KIAA1755: variants seen among roughly 807,000 people sequenced by gnomAD.
KIAA1755 encodes KIAA1755.
In KIAA1755, 68 loss-of-function variants were observed where a neutral mutation model predicts 91.7. The ratio of observed to expected loss-of-function variants is 0.74; its 90% CI spans 0.61 to 0.91. KIAA1755 has a LOEUF of 0.91. Ranked by LOEUF, KIAA1755 falls within the 40% of genes least tolerant of loss-of-function variation. The pLI is 0.00. For missense variants in KIAA1755, 1,535 were observed against 1,494.4 expected (o/e 1.03, Z -0.45); for synonymous variants, 610 against 604.6 (o/e 1.01, Z -0.13).
rs769094223 is a variant in KIAA1755, at chr20:38,241,128, G to A, written c.1003C>T (p.Arg335Trp). 3.8e-5 allele frequency: 61 copies of A among 1,613,928 alleles called. No homozygotes were observed. Among genetic ancestry groups the A allele is most frequent in the Admixed American group, 1.0e-4 (6 of 59,988 alleles). The change falls in exon 3 of 14, where the codon CGG (arginine) becomes TGG (tryptophan). Residue 335 changes from arginine (R) to tryptophan (W), a missense_variant. Coordinates refer to ENST00000279024, the MANE Select transcript of KIAA1755 (RefSeq NM_001029864.2). ...GAGCTTTCTGGCTTTGTGCAAGCCCGATTTCCCAAGGAAGGTCCTTCATTG... is the reference window on the plus strand; with the variant it reads ...GAGCTTTCTGGCTTTGTGCAAGCCCAATTTCCCAAGGAAGGTCCTTCATTG... ...EANEGPSLGN[R>W]ACTKPESSEE...
chr20:38,251,419 T>G (rs1456858416), intron 1 of KIAA1755, among the ~76,000 whole-genome samples: 1 of 152,078 alleles, frequency 6.6e-6, no homozygotes, highest in Non-Finnish European at 1.5e-5. Context: ...GCTCATGACC[T>G]TCTGGACTGA....
chr20:38,257,398 T>C (rs2076356666), intron 1 of KIAA1755, among the ~76,000 whole-genome samples: 1 of 151,980 alleles, frequency 6.6e-6, no homozygotes, highest in Non-Finnish European at 1.5e-5. Context: ...CTGGCCAACA[T>C]GGTAAAACCC....
At position 38,219,502 on chromosome 20, in the gene KIAA1755, A is replaced by C. The variant is rs1000452734; in HGVS notation, c.2556+128T>G. On this transcript the variant is annotated intron_variant, in intron 11 of 13. Coordinates refer to ENST00000279024, the MANE Select transcript of KIAA1755 (RefSeq NM_001029864.2). ...CCAAGGATGCCTGCCTGGCCTTTGA[A>C]GGATCGCCAGCTTGGTGTCCTTTCT... The C allele has an allele frequency of 8.1e-5, 105 of 1,295,030 alleles. 1 individual carries two copies. The African/African-American group carries it at 1.5e-3, about 18-fold the overall frequency. The allele number at this position is 1,295,030 out of a possible 1,614,324, so 80.2% of individuals were successfully genotyped here.
At chr20:38,253,725 C>T (rs1048966993) in intron 1 of KIAA1755, among the ~76,000 whole-genome samples, 5 of 152,126 alleles carry the variant, frequency 3.3e-5, no homozygotes, top group Admixed American at 6.5e-5. Context: ...CATAGTTTCC[C>T]GGATTTTCCA....
chr20:38,217,289 G>C lies in KIAA1755; in HGVS notation c.2865C>G (p.Leu955=), dbSNP rs747536511. 2.5e-6 allele frequency: 4 copies of C among 1,606,848 alleles called. No homozygotes were observed. The highest frequency in any genetic ancestry group is 3.4e-6 in the Non-Finnish European group (4 of 1,177,548). ...AGCGGTGCAGGTGGAGCAGCGTCTCGAGGTCCGTGCGTTGCCGCTCGGCCG... is the reference window on the plus strand; with the variant it reads ...AGCGGTGCAGGTGGAGCAGCGTCTCCAGGTCCGTGCGTTGCCGCTCGGCCG... ...YMAAERQRTD[L]ETLLHLHRFC... Residue 955 remains leucine, a synonymous_variant, in exon 13 of 14, where the codon CTC becomes CTG. Transcript: ENST00000279024.
At chr20:38,228,612 C>G (rs974970604) in intron 5 of KIAA1755, among the ~76,000 whole-genome samples, 2 of 152,196 alleles carry the variant, frequency 1.3e-5, no homozygotes, top group East Asian at 3.9e-4. Context: ...CAAGTTCCCC[C>G]AGAGCCTGGC....
chr20:38,226,950 C>A (rs1178065061), intron 7 of KIAA1755, among the ~76,000 whole-genome samples: 1 of 152,198 alleles, frequency 6.6e-6, no homozygotes, highest in East Asian at 1.9e-4. Context: ...AGAGAGATAT[C>A]ACTCTGTGAC....
intron 5 of KIAA1755, 21 bp downstream of exon 5, chr20:38,231,181 C>T (rs1169968925): frequency 6.2e-7 from 1 of 1,603,784 alleles, no homozygotes; most frequent in Non-Finnish European, 8.5e-7. Context: ...ATGGAGCAGT[C>T]AGGGTGGCCC....
Position 38,241,317 on chromosome 20 carries a change from C to T in KIAA1755, c.814G>A (p.Glu272Lys), listed in dbSNP as rs774903856. ...RMDEVVSQDF[E>K]GDYVALLGFS... The stretch of plus-strand genomic sequence containing the variant: ...CCTAGGAGAGCCACATAGTCTCCCT[C>T]GAAGTCCTGGCTGACCACCTCGTCC... Residue 272 changes from glutamate (E) to lysine (K), a missense_variant, in exon 3 of 14, where the codon GAG (glutamate) becomes AAG (lysine). Transcript: ENST00000279024. The T allele has an allele frequency of 1.8e-5, 29 of 1,614,178 alleles. No homozygotes were observed. Among genetic ancestry groups the T allele is most frequent in the East Asian group, 4.5e-5 (2 of 44,882 alleles).
At chr20:38,248,226 A>T (rs1214127181) in intron 1 of KIAA1755, among the ~76,000 whole-genome samples, 1 of 152,178 alleles carries the variant, frequency 6.6e-6, no homozygotes, top group Non-Finnish European at 1.5e-5. Context: ...AATAATAAAT[A>T]AAATAAAATA....
chr20:38,241,822 A>T lies in KIAA1755; in HGVS notation c.309T>A (p.Gly103=), dbSNP rs1236323723. ...APLNPLLLRQ[G]DFYLQVEPQE... Reference sequence around the variant, plus strand: ...GGGGCTCCACTTGGAGGTAGAAGTCACCCTGGCGCAATAAGAGAGGGTTGA... The same window carrying T: ...GGGGCTCCACTTGGAGGTAGAAGTCTCCCTGGCGCAATAAGAGAGGGTTGA... The change falls in exon 3 of 14, where the codon GGT becomes GGA. Residue 103 remains glycine (G), a synonymous_variant. Transcript: ENST00000279024. 1 of 1,614,158 alleles carries T rather than the reference A, an allele frequency of 6.2e-7. No homozygotes were observed. Among genetic ancestry groups the T allele is most frequent in the Non-Finnish European group, 8.5e-7 (1 of 1,180,004 alleles).
intron 4 of KIAA1755, among the ~76,000 whole-genome samples, chr20:38,238,408 T>C (rs1270194757): frequency 6.6e-6 from 1 of 152,256 alleles, no homozygotes; most frequent in Non-Finnish European, 1.5e-5. Context: ...CAGAAAGCAC[T>C]GTGGTTCTCT....
chr20:38,252,512 A>G (rs1448718880), intron 1 of KIAA1755, among the ~76,000 whole-genome samples: 1 of 152,170 alleles, frequency 6.6e-6, no homozygotes, highest in African/African-American at 2.4e-5. Flanking sequence ...GAAGAGAAAG[A>G]CAGAGCCAGG....
chr20:38,254,519 G>A (rs1285075013), intron 1 of KIAA1755, among the ~76,000 whole-genome samples: 3 of 152,170 alleles, frequency 2.0e-5, no homozygotes, highest in Non-Finnish European at 2.9e-5. Flanking sequence ...CGGGTGCAGT[G>A]GCTCATGCCT....
intron 5 of KIAA1755, among the ~76,000 whole-genome samples, chr20:38,230,502 C>G (rs1322579123): frequency 6.6e-6 from 1 of 152,172 alleles, no homozygotes; most frequent in Non-Finnish European, 1.5e-5. Context: ...TTTTCAGGTC[C>G]CACCCACCTT....
chr20:38,237,567 G>A (rs2075979748), intron 4 of KIAA1755, among the ~76,000 whole-genome samples: 1 of 151,982 alleles, frequency 6.6e-6, no homozygotes, highest in South Asian at 2.1e-4. Flanking sequence ...ACAGAAGGTG[G>A]GGGAGACATA....
intron 1 of KIAA1755, among the ~76,000 whole-genome samples, chr20:38,246,906 C>T (rs1382491364): frequency 6.6e-6 from 1 of 152,184 alleles, no homozygotes; most frequent in Non-Finnish European, 1.5e-5. Flanking sequence ...ACAATCAGCC[C>T]TCAGTGTGTC....
Position 38,228,244 on chromosome 20 carries a change from T to C in KIAA1755, c.1872-4A>G, listed in dbSNP as rs2075796490. The C allele has an allele frequency of 6.3e-7, 1 of 1,593,446 alleles. No homozygotes were observed. Among genetic ancestry groups the C allele is most frequent in the Non-Finnish European group, 8.5e-7 (1 of 1,171,250 alleles). On this transcript the variant is annotated splice_polypyrimidine_tract_variant and splice_region_variant and intron_variant, in intron 5 of 13. Coordinates refer to ENST00000279024, the MANE Select transcript of KIAA1755 (RefSeq NM_001029864.2). ...CCCCTTGGCTTTATCTTCAGGCCTG[T>C]GGGTGGTAAACAGAATTGACAGTCT...
chr20:38,217,351 G>C lies in KIAA1755; in HGVS notation c.2803C>G (p.Arg935Gly). 6.2e-7 allele frequency: 1 copy of C among 1,612,848 alleles called. No individual in the cohort carries two copies. ...PELAAFASTQRAFQAELTHFY... is the reference protein window; with the variant it reads ...PELAAFASTQGAFQAELTHFY... ...TGGGTCAGCTCAGCCTGGAAGGCCC[G>C]CTGGGTAGAGGCAAAGGCTGCCAGC... The change falls in exon 13 of 14, where the codon CGG becomes GGG. Residue 935 changes from arginine to glycine, a missense_variant. Coordinates refer to ENST00000279024, the MANE Select transcript of KIAA1755 (RefSeq NM_001029864.2).
Sources: allele counts gnomAD v4.1 joint callset (sites outside exome capture counted in the v4.1 genomes callset), GRCh38; gene constraint gnomAD v4.1.1; transcripts MANE v1.5; gene names NCBI Gene and HGNC (gene_info 2026-07-23, HGNC 2026-07-21).